The following KCNC3 variants were observed in gnomAD, a reference collection of about 807,000 sequenced individuals.
The protein encoded by KCNC3 is potassium voltage-gated channel subfamily C member 3.
In KCNC3, 22 loss-of-function variants were observed where a neutral mutation model predicts 43.9. The ratio of observed to expected loss-of-function variants is 0.50; its 90% confidence interval spans 0.36 to 0.72. The LOEUF is 0.72. Ranked by LOEUF, KCNC3 falls within the 30% of genes least tolerant of loss-of-function variation. The pLI is 0.00. For missense variants in KCNC3, 829 were observed against 1,073.8 expected (o/e 0.77, Z 3.19); for synonymous variants, 492 against 488.0 (o/e 1.01, Z -0.11).
chr19:50,325,784 G>A (rs1222200110), intron 1 of KCNC3, among the ~76,000 whole-genome samples: 1 of 152,114 alleles, frequency 6.6e-6, no homozygotes, highest in East Asian at 1.9e-4. Context: ...GCCGCAGTGC[G>A]CAGCCGCAGC....
In KCNC3 at chr19:50,323,807, G is replaced by A. The variant is rs200893614; in HGVS notation, c.1146C>T (p.Asn382=). 36 of 1,614,190 alleles carry A rather than the reference G, an allele frequency of 2.2e-5. 1 individual carries two copies. In the South Asian group the frequency reaches 3.4e-4, roughly 15 times the overall value. ...GCAGGATGGCCACACAGTCGATGAT[G>A]TTGAGGCTGCTTTTAAGAAACTCCA... The part of the protein sequence containing the change: ...DKVEFLKSSL[N]IIDCVAILPF... The change falls in exon 2 of 5, where the codon AAC becomes AAT. Residue 382 remains asparagine (N), a synonymous_variant. Coordinates refer to ENST00000477616, the MANE Select transcript of KCNC3 (RefSeq NM_004977.3).
chr19:50,329,008 C>T lies in KCNC3; in HGVS notation c.75G>A (p.Pro25=). The T allele has an allele frequency of 3.2e-6, 4 of 1,268,804 alleles. No homozygotes were observed. Among genetic ancestry groups the T allele is most frequent in the Non-Finnish European group, 4.0e-6 (4 of 996,156 alleles). 78.6% of individuals were successfully genotyped at this position (1,268,804 alleles called of 1,614,324 possible). A position where few individuals can be genotyped will look rare whatever the true frequency, so the allele number is the denominator to read the frequency against. Residue 25 remains proline (P), a synonymous_variant, in exon 1 of 5, where the codon CCG becomes CCA. Transcript: ENST00000477616. ...GASKQQPAPP[P]QPPESPPPPP... ...GCGGCGGCGGGGACTCGGGCGGCTGCGGCGGTGGCGCCGGCTGCTGCTTGC... is the reference window on the plus strand; with the variant it reads ...GCGGCGGCGGGGACTCGGGCGGCTGTGGCGGTGGCGCCGGCTGCTGCTTGC...
intron 4 of KCNC3, among the ~76,000 whole-genome samples, chr19:50,317,009 C>T (rs1404684355): frequency 6.7e-6 from 1 of 149,816 alleles, no homozygotes; most frequent in African/African-American, 2.5e-5. Flanking sequence ...ACCTCCCCCA[C>T]CCAGCCACCC....
chr19:50,316,296 G>A (rs1284259027), intron 4 of KCNC3, among the ~76,000 whole-genome samples: 2 of 151,940 alleles, frequency 1.3e-5, no homozygotes, highest in African/African-American at 2.4e-5. Context: ...GGCTGGGGAG[G>A]GGGAGGGGAG....
At chr19:50,333,451 G>A (rs1308151231), upstream of KCNC3, 1 of 169,172 alleles carries the variant, frequency 5.9e-6, no homozygotes, top group Non-Finnish European at 1.3e-5. Context: ...CTTAGAACAG[G>A]AACTGGTAAA....
At chr19:50,326,940 A>C in intron 1 of KCNC3, among the ~76,000 whole-genome samples, 1 of 151,096 alleles carries the variant, frequency 6.6e-6, no homozygotes, top group Non-Finnish European at 1.5e-5. Context: ...GAGGTTCGAG[A>C]AAGGAAGAGG....
At chr19:50,327,571 A>T (rs1266968095) in intron 1 of KCNC3, among the ~76,000 whole-genome samples, 1 of 152,034 alleles carries the variant, frequency 6.6e-6, no homozygotes, top group Non-Finnish European at 1.5e-5. Flanking sequence ...GAGTGGAAAA[A>T]ATAATCAGAA....
Position 50,316,096 on chromosome 19 carries a change from G to A in KCNC3, c.*24-5C>T, listed in dbSNP as rs887986901. On this transcript the variant is annotated splice_polypyrimidine_tract_variant and splice_region_variant and intron_variant, in intron 4 of 4. Transcript: ENST00000477616. ...GGTCTCAGGCGGTGACAAGAGCTGG[G>A]GACAGAAATACACAGAGTCACGGGG... 2.5e-5 allele frequency: 10 copies of A among 401,162 alleles called. No homozygotes were observed. Among genetic ancestry groups the A allele is most frequent in the African/African-American group, 1.7e-4 (8 of 47,874 alleles). 24.9% of individuals were successfully genotyped at this position (401,162 alleles called of 1,614,324 possible).
upstream of KCNC3, among the ~76,000 whole-genome samples, chr19:50,331,128 C>G (rs1367855092): frequency 1.3e-5 from 2 of 151,730 alleles, no homozygotes; most frequent in Non-Finnish European, 1.5e-5. Flanking sequence ...GCCGCCGTCT[C>G]TGTTCCCACC....
chr19:50,325,755 T>C (rs1601100424), intron 1 of KCNC3, among the ~76,000 whole-genome samples: 1 of 151,986 alleles, frequency 6.6e-6, no homozygotes, highest in East Asian at 1.9e-4. Context: ...CGGCGGCCAG[T>C]ACCGCGGACA....
In KCNC3 at chr19:50,314,583, G is replaced by A; in HGVS notation, c.*1532C>T. 4 of 291,092 alleles carry A rather than the reference G, an allele frequency of 1.4e-5. 1 individual carries two copies. Among genetic ancestry groups the A allele is most frequent in the South Asian group, 1.0e-4 (4 of 38,160 alleles). The allele number at this position is 291,092 out of a possible 1,614,324, so 18.0% of individuals were successfully genotyped here. ...ACTTATTTACACAAGTTGATGGCAG[G>A]GGGATGTCCTATGGCTCGTGGAGAC... On this transcript the variant is annotated 3_prime_UTR_variant, in exon 5 of 5. Transcript: ENST00000477616.
upstream of KCNC3, among the ~76,000 whole-genome samples, chr19:50,331,494 T>C (rs11084010): frequency 1.5e-5 from 2 of 129,910 alleles, no homozygotes; most frequent in African/African-American, 2.9e-5. Flanking sequence ...CCCTCCCCCT[T>C]CTTCTTCCCC....
At chr19:50,327,990 AGAGCCCGAAG>A (rs753522280) in intron 1 of KCNC3, among the ~76,000 whole-genome samples, 46 of 147,798 alleles carry the variant, frequency 3.1e-4, no homozygotes, top group Non-Finnish European at 6.6e-4. Flanking sequence ...GGGGTCTGGA[AGAGCCCGAAG>A]GTTGGAGATC....
At position 50,323,075 on chromosome 19, in the gene KCNC3, C is replaced by A. The variant is rs570469383; in HGVS notation, c.1878G>T (p.Gly626=). 33 of 1,539,558 alleles carry A rather than the reference C, an allele frequency of 2.1e-5. No individual in the cohort carries two copies. The African/African-American group carries it at 4.1e-4, about 19-fold the overall frequency. Residue 626 remains glycine, a synonymous_variant, in exon 2 of 5, where the codon GGG becomes GGT. Transcript: ENST00000477616. The stretch of plus-strand genomic sequence containing the variant: ...CCATGATCCCCAGCCCACCCGCTCC[C>A]CCCCTGAGCAGCCCGGGGTGCGTGT... ...GPHTHPGLLR[G]GAGGLGIMGL...
rs781277310 is a variant in KCNC3 at position 50,323,945 on chromosome 19, G to A, written c.1008C>T (p.Asn336=). 8 of 1,614,152 alleles carry A rather than the reference G, an allele frequency of 5.0e-6. No individual in the cohort carries two copies. Among genetic ancestry groups the A allele is most frequent in the East Asian group, 2.2e-5 (1 of 44,866 alleles). The part of the protein sequence containing the change: ...ASPIPGAPPE[N]ITNVEVETEP... ...CCGTCTCCACCTCCACGTTGGTGAT[G>A]TTCTCCGGAGGTGCCCCGGGGATCG... The change falls in exon 2 of 5, where the codon AAC becomes AAT. Residue 336 remains asparagine, a synonymous_variant. Transcript: ENST00000477616.
In KCNC3 at chr19:50,328,892, CGGTCCCCG is replaced by C. The variant is rs1432799449; in HGVS notation, c.183_190del (p.Gly62AlafsTer36). The C allele has an allele frequency of 1.0e-6, 1 of 998,906 alleles. No homozygotes were observed. The highest frequency in any genetic ancestry group is 1.2e-6 in the Non-Finnish European group (1 of 835,564). The allele number at this position is 998,906 out of a possible 1,614,324, so 61.9% of individuals were successfully genotyped here. ...CAGCCCGGGGCATGGCTCGGCGCGC[CGGTCCCCG>C]GGCCCGCGGGGTGCCGGGGGGCCCG... is the stretch of plus-strand genomic sequence containing the variant. On this transcript the variant is annotated frameshift_variant, in exon 1 of 5. Transcript: ENST00000477616. LOFTEE classifies it high-confidence loss of function.
Position 50,320,903 on chromosome 19 carries a change from TG to T in KCNC3, c.1979-120del, listed in dbSNP as rs1340147808. On this transcript the variant is annotated intron_variant, in intron 2 of 4. Coordinates refer to ENST00000477616, the MANE Select transcript of KCNC3 (RefSeq NM_004977.3). The stretch of plus-strand genomic sequence containing the variant: ...GGGATGGTCGGCGGATGTTTGGCAC[TG>T]GAAGTGGAGATTCAAGGGCAGGGTG... 2.1e-5 allele frequency: 20 copies of T among 952,518 alleles called. No homozygotes were observed. The Admixed American group carries it at 4.2e-4, about 20-fold the overall frequency. The allele number at this position is 952,518 out of a possible 1,614,324, so 59.0% of individuals were successfully genotyped here. A position where few individuals can be genotyped will look rare whatever the true frequency, so the allele number is the denominator to read the frequency against.
At chr19:50,327,003 G>A (rs889257572) in intron 1 of KCNC3, among the ~76,000 whole-genome samples, 2 of 151,982 alleles carry the variant, frequency 1.3e-5, no homozygotes, top group African/African-American at 4.8e-5. Flanking sequence ...GTTATTTTGA[G>A]ATGAAAGTTT....
intron 4 of KCNC3, among the ~76,000 whole-genome samples, chr19:50,316,856 G>T (rs1045002689): frequency 2.0e-5 from 3 of 151,942 alleles, no homozygotes; most frequent in Non-Finnish European, 2.9e-5. Flanking sequence ...GGGGCTGAAG[G>T]ACAGCAAGGA....
Sources: gnomAD v4.1 joint callset for allele counts (sites outside exome capture counted in the v4.1 genomes callset) on GRCh38, gnomAD v4.1.1 for gene constraint, MANE v1.5 for transcripts, NCBI Gene and HGNC (gene_info 2026-07-23, HGNC 2026-07-21) for gene names.